The following ZNF382 variants were observed in gnomAD, a reference collection of about 807,000 sequenced individuals.
ZNF382 encodes the protein zinc finger protein 382.
Under a neutral mutation model 38.8 loss-of-function variants are expected in ZNF382, and 20 were observed. That is an observed-to-expected ratio of 0.51 (90% CI 0.36 to 0.75). ZNF382 has a LOEUF of 0.75. Ranked by LOEUF, ZNF382 falls within the 30% of genes least tolerant of loss-of-function variation. The pLI, the probability that ZNF382 is intolerant of heterozygous loss-of-function variation, is 0.00. For synonymous variants in ZNF382, 202 were observed against 223.1 expected, an observed-to-expected ratio of 0.91 and a Z score of 0.84; for missense variants, 546 against 654.1, an observed-to-expected ratio of 0.83 and a Z score of 1.80.
chr19:36,622,535 A>G (rs2145330815), intron 4 of ZNF382, among the ~76,000 whole-genome samples: 1 of 152,334 alleles, frequency 6.6e-6, no homozygotes, highest in African/African-American at 2.4e-5. Flanking sequence ...CGATACATAC[A>G]GAGTACCACC....
intron 4 of ZNF382, among the ~76,000 whole-genome samples, chr19:36,613,798 G>A (rs188274822): frequency 1.8e-3 from 269 of 152,224 alleles, no homozygotes; most frequent in Non-Finnish European, 3.4e-3. Flanking sequence ...TTTATGATGT[G>A]AAGTAGGGTT....
chr19:36,618,024 CTTTGT>C (rs2037139229), intron 4 of ZNF382, among the ~76,000 whole-genome samples: 1 of 152,124 alleles, frequency 6.6e-6, no homozygotes, highest in African/African-American at 2.4e-5. Flanking sequence ...TGCTTTGTTG[CTTTGT>C]TTTGTTTTCA....
At position 36,629,630 on chromosome 19, in the gene ZNF382, A is replaced by G. The variant is rs192504595; in HGVS notation, c.*2080A>G. ...AAAAGTAATTTTTTAGTATCTGTTAATATATAATAAAAATAAAGGTATAAG... is the reference window on the plus strand; with the variant it reads ...AAAAGTAATTTTTTAGTATCTGTTAGTATATAATAAAAATAAAGGTATAAG... On this transcript the variant is annotated 3_prime_UTR_variant, in exon 5 of 5. Coordinates refer to ENST00000292928, the MANE Select transcript of ZNF382 (RefSeq NM_032825.5). 5.6e-4 allele frequency: 85 copies of G among 152,274 alleles called. No individual in the cohort carries two copies. The highest frequency in any genetic ancestry group is 1.9e-3 in the African/African-American group (81 of 41,546). The allele number at this position is 152,274 out of a possible 1,614,324, so 9.4% of individuals were successfully genotyped here.
At position 36,632,703 on chromosome 19, in the gene ZNF382, G is replaced by A. The variant is rs2037261426; in HGVS notation, c.*5153G>A. The stretch of plus-strand genomic sequence containing the variant: ...TCAGAGCCAGACATCTGGGCATCGT[G>A]GAGATAATTTTAGAGCTTTGCAGTC... On this transcript the variant is annotated 3_prime_UTR_variant, in exon 5 of 5. Transcript: ENST00000292928. 1 of 152,200 alleles carries A rather than the reference G, an allele frequency of 6.6e-6. No individual in the cohort carries two copies. Among genetic ancestry groups the A allele is most frequent in the Non-Finnish European group, 1.5e-5 (1 of 68,048 alleles). The allele number at this position is 152,200 out of a possible 1,614,324, so 9.4% of individuals were successfully genotyped here.
chr19:36,618,752 T>C (rs1046356730), intron 4 of ZNF382, among the ~76,000 whole-genome samples: 9 of 152,058 alleles, frequency 5.9e-5, no homozygotes, highest in Non-Finnish European at 8.8e-5. Context: ...AAAATCTAGA[T>C]GTCAGCCGGG....
At chr19:36,615,076 G>A (rs1374102861) in intron 4 of ZNF382, among the ~76,000 whole-genome samples, 3 of 149,418 alleles carry the variant, frequency 2.0e-5, no homozygotes, top group Admixed American at 6.7e-5. Context: ...TCCGACTCCC[G>A]GGTTCAAATG....
At chr19:36,609,011 CAT>C (rs2037056294) in intron 2 of ZNF382, 1 of 152,214 alleles carries the variant, frequency 6.6e-6, no homozygotes, top group African/African-American at 2.4e-5. Flanking sequence ...TTCCACCTAA[CAT>C]GTGATAAGCC....
chr19:36,609,688 T>C (rs1408540069), intron 2 of ZNF382: 3 of 404,354 alleles, frequency 7.4e-6, no homozygotes, highest in Admixed American at 9.0e-5. Context: ...CAGGGTTTTA[T>C]TCATTTTGGT....
At position 36,628,751 on chromosome 19, in the gene ZNF382, G is replaced by C. The variant is rs1225222914; in HGVS notation, c.*1201G>C. 1 of 152,530 alleles carries C rather than the reference G, an allele frequency of 6.6e-6. No homozygotes were observed. The highest frequency in any genetic ancestry group is 1.5e-5 in the Non-Finnish European group (1 of 68,034). The allele number at this position is 152,530 out of a possible 1,614,324, so 9.4% of individuals were successfully genotyped here. A position where few individuals can be genotyped will look rare whatever the true frequency, so the allele number is the denominator to read the frequency against. On this transcript the variant is annotated 3_prime_UTR_variant, in exon 5 of 5. Transcript: ENST00000292928. Reference sequence around the variant, plus strand: ...GGAATATAGTCTTTACCTATGGTCTGTATCTACTGGTCAGGTACAAATGAT... The same window carrying C: ...GGAATATAGTCTTTACCTATGGTCTCTATCTACTGGTCAGGTACAAATGAT...
intron 4 of ZNF382, among the ~76,000 whole-genome samples, chr19:36,618,568 T>A (rs1324968750): frequency 6.6e-6 from 1 of 152,238 alleles, no homozygotes; most frequent in Non-Finnish European, 1.5e-5. Context: ...CCTGAACTAC[T>A]GAGAACATAT....
rs777926388 is a variant in ZNF382 at position 36,626,215 on chromosome 19, C to CA, written c.324dup (p.Leu109ThrfsTer3). ...CTAGACCCCTCATATTCATCAACCACAAAAAACTAATTAAGGAGAGAAGTA... is the reference window on the plus strand; with the variant it reads ...CTAGACCCCTCATATTCATCAACCACAAAAAAACTAATTAAGGAGAGAAGTA... On this transcript the variant is annotated frameshift_variant, in exon 5 of 5. Coordinates refer to ENST00000292928, the MANE Select transcript of ZNF382 (RefSeq NM_032825.5). LOFTEE classifies it low-confidence loss of function (END_TRUNC). The CA allele has an allele frequency of 1.9e-6, 3 of 1,602,704 alleles. No individual in the cohort carries two copies. The highest frequency in any genetic ancestry group is 2.7e-5 in the African/African-American group (2 of 74,034).
At chr19:36,619,793 C>T (rs2037154668) in intron 4 of ZNF382, among the ~76,000 whole-genome samples, 1 of 151,728 alleles carries the variant, frequency 6.6e-6, no homozygotes, top group Non-Finnish European at 1.5e-5. Flanking sequence ...TGCAGTGGCA[C>T]GATCTCGGCT....
At position 36,614,651 on chromosome 19, in the gene ZNF382, G is replaced by A. The variant is rs373962112; in HGVS notation, c.232+3909G>A. 1.5e-3 allele frequency among the ~76,000 whole-genome samples: 231 copies of A among 152,142 alleles called. 2 individuals carry two copies. The highest frequency in any genetic ancestry group is 5.4e-3 in the African/African-American group (224 of 41,504). On this transcript the variant is annotated intron_variant, in intron 4 of 4. Transcript: ENST00000292928. ...TATTGTACATAGTAAGAGTGGCTGGGCATGGTGGCTCACACCTGTAATCTC... is the reference window on the plus strand; with the variant it reads ...TATTGTACATAGTAAGAGTGGCTGGACATGGTGGCTCACACCTGTAATCTC...
chr19:36,622,556 G>C (rs1173556158), intron 4 of ZNF382, among the ~76,000 whole-genome samples: 1 of 152,166 alleles, frequency 6.6e-6, no homozygotes, highest in Admixed American at 6.5e-5. Flanking sequence ...AACCAGCGAA[G>C]CTCAGCACAG....
intron 4 of ZNF382, among the ~76,000 whole-genome samples, chr19:36,616,160 G>A (rs550251677): frequency 3.3e-5 from 5 of 152,266 alleles, no homozygotes; most frequent in South Asian, 4.1e-4. Flanking sequence ...CAGGAGGATC[G>A]CTTGAGGCCA....
At chr19:36,610,851 A>C in intron 4 of ZNF382, 109 bp downstream of exon 4, 1 of 765,246 alleles carries the variant, frequency 1.3e-6, no homozygotes. Context: ...CATAACATTA[A>C]ATATGCTATC....
intron 2 of ZNF382, 172 bp downstream of exon 2, chr19:36,607,794 G>A (rs941929382): frequency 6.2e-5 from 42 of 678,234 alleles, no homozygotes; most frequent in Non-Finnish European, 9.8e-5. Flanking sequence ...AAATATTTAA[G>A]GGGTACCCTC....
intron 1 of ZNF382, among the ~76,000 whole-genome samples, chr19:36,605,988 T>C (rs1301485464): frequency 6.6e-6 from 1 of 152,152 alleles, no homozygotes; most frequent in East Asian, 1.9e-4. Flanking sequence ...GGATGTTTGA[T>C]TGACTGTGAC....
chr19:36,613,796 G>A (rs2037098354), intron 4 of ZNF382, among the ~76,000 whole-genome samples: 1 of 152,094 alleles, frequency 6.6e-6, no homozygotes, highest in Admixed American at 6.5e-5. Context: ...TGTTTATGAT[G>A]TGAAGTAGGG....
Sources: allele counts gnomAD v4.1 joint callset (sites outside exome capture counted in the v4.1 genomes callset), GRCh38; gene constraint gnomAD v4.1.1; transcripts MANE v1.5; gene names NCBI Gene and HGNC (gene_info 2026-07-23, HGNC 2026-07-21).